HOMER2: variants seen among roughly 807,000 people sequenced by gnomAD.
HOMER2 encodes homer protein homolog 2.
A neutral mutation model predicts 47.0 loss-of-function variants in HOMER2; 27 were observed. The ratio of observed to expected loss-of-function variants is 0.57; its 90% CI spans 0.42 to 0.79. The LOEUF is 0.79. Ranked by LOEUF, HOMER2 falls within the 30% of genes least tolerant of loss-of-function variation. The pLI, the probability that HOMER2 is intolerant of heterozygous loss-of-function variation, is 0.00. For synonymous variants in HOMER2, 161 were observed against 163.8 expected (o/e 0.98, Z 0.13); for missense variants, 443 against 435.0 (o/e 1.02, Z -0.16).
intron 1 of HOMER2, among the ~76,000 whole-genome samples, chr15:82,895,380 G>C (rs2052874387): frequency 6.6e-6 from 1 of 152,208 alleles, no homozygotes; most frequent in Non-Finnish European, 1.5e-5. Context: ...AGAGAGGCCA[G>C]ACGACAGGGA....
At chr15:82,899,591 A>G (rs145694763) in intron 1 of HOMER2, among the ~76,000 whole-genome samples, 12 of 152,374 alleles carry the variant, frequency 7.9e-5, no homozygotes, top group Non-Finnish European at 1.5e-4. Flanking sequence ...TTTGCAGATA[A>G]TAGAATTGCA....
exon 2 of HOMER2, chr15:82,837,759 T>C (rs575674602): frequency 6.6e-6 from 1 of 152,306 alleles, no homozygotes; most frequent in African/African-American, 2.4e-5. Context: ...ACGCCTGCAA[T>C]GGAGCAGCTC....
intron 1 of HOMER2, among the ~76,000 whole-genome samples, chr15:82,950,370 T>G (rs541284306): frequency 4.6e-5 from 7 of 150,598 alleles, no homozygotes; most frequent in East Asian, 1.9e-4. Context: ...AGATAGTTTG[T>G]TTTTTTTTCC....
At chr15:82,932,947 T>C (rs1357212861) in intron 1 of HOMER2, among the ~76,000 whole-genome samples, 5 of 151,590 alleles carry the variant, frequency 3.3e-5, no homozygotes, top group Non-Finnish European at 7.4e-5. Context: ...ACTGGGTGGG[T>C]CCACATAGAG....
chr15:82,958,797 C>A (rs1009375578), exon 2 of HOMER2: 4 of 152,356 alleles, frequency 2.6e-5, no homozygotes, highest in Non-Finnish European at 5.9e-5. Flanking sequence ...ATCAAACAAT[C>A]CAACAACCTT....
chr15:82,981,278 GATCACGA>G (rs1176410694), intron 1 of HOMER2, among the ~76,000 whole-genome samples: 15 of 152,212 alleles, frequency 9.9e-5, no homozygotes, highest in African/African-American at 3.4e-4. Flanking sequence ...TATTGTCCAA[GATCACGA>G]ATGGCCTCTG....
chr15:82,966,893 A>C (rs1037943002), intron 1 of HOMER2, among the ~76,000 whole-genome samples: 6 of 152,204 alleles, frequency 3.9e-5, no homozygotes, highest in African/African-American at 1.2e-4. Flanking sequence ...CTGAGAATGA[A>C]CTTACTAGGT....
At chr15:82,898,039 G>A (rs1227722836) in intron 1 of HOMER2, among the ~76,000 whole-genome samples, 1 of 152,184 alleles carries the variant, frequency 6.6e-6, no homozygotes, top group African/African-American at 2.4e-5. Flanking sequence ...AACCATAAAT[G>A]TTCTCATTTA....
In HOMER2 at chr15:82,932,076, TG is replaced by T. The variant is rs1433256645; in HGVS notation, c.5+20454del. The stretch of plus-strand genomic sequence containing the variant: ...ATAAAGCTGTGCTCAAACCCAGGCC[TG>T]GGGGGCCTAATTCAGCACTCTTCTC... On this transcript the variant is annotated intron_variant, in intron 1 of 8. Coordinates refer to ENST00000450735, the MANE Select transcript of HOMER2 (RefSeq NM_004839.4). 2.0e-5 allele frequency among the ~76,000 whole-genome samples: 3 copies of T among 151,938 alleles called. No homozygotes were observed. The East Asian group carries it at 5.8e-4, about 29-fold the overall frequency.
chr15:82,924,180 C>T (rs1266678749), intron 1 of HOMER2, among the ~76,000 whole-genome samples: 2 of 152,150 alleles, frequency 1.3e-5, no homozygotes, highest in South Asian at 2.1e-4. Context: ...CACATTCTCC[C>T]GTCACTCTGG....
Position 82,936,015 on chromosome 15 carries a change from C to A in HOMER2, c.5+16516G>T, listed in dbSNP as rs184799856. 1.9e-3 allele frequency among the ~76,000 whole-genome samples: 283 copies of A among 152,336 alleles called. 1 individual carries two copies. The highest frequency in any genetic ancestry group is 6.7e-3 in the African/African-American group (279 of 41,586). On this transcript the variant is annotated intron_variant, in intron 1 of 8. Coordinates refer to ENST00000450735, the MANE Select transcript of HOMER2 (RefSeq NM_004839.4). ...CATCAAATAAAACCGCCAGTCCATG[C>A]CTCAGCTCAATTTCGTCCTCGCATA...
intron 2 of HOMER2, among the ~76,000 whole-genome samples, chr15:82,889,382 G>A (rs924382925): frequency 6.6e-6 from 1 of 152,346 alleles, no homozygotes; most frequent in Admixed American, 6.5e-5. Flanking sequence ...CAGAGCTCCA[G>A]GCTTGGGTAG....
intron 1 of HOMER2, among the ~76,000 whole-genome samples, chr15:82,974,264 C>T (rs1401258494): frequency 2.6e-5 from 4 of 151,752 alleles, no homozygotes; most frequent in South Asian, 2.1e-4. Context: ...ATTAGCCAGC[C>T]GTGGTGGCAC....
chr15:82,948,325 A>C (rs1283134208), intron 1 of HOMER2, among the ~76,000 whole-genome samples: 1 of 148,222 alleles, frequency 6.7e-6, no homozygotes, highest in Non-Finnish European at 1.5e-5. Context: ...CGGGAGGCGG[A>C]GCTTGCAGTG....
At chr15:82,923,591 G>A (rs974386594) in intron 1 of HOMER2, among the ~76,000 whole-genome samples, 1 of 152,032 alleles carries the variant, frequency 6.6e-6, no homozygotes, top group Admixed American at 6.6e-5. Flanking sequence ...GTGGGACCCT[G>A]TGTAATTCCA....
intron 5 of HOMER2, among the ~76,000 whole-genome samples, chr15:82,858,162 G>T (rs1373287884): frequency 6.6e-6 from 1 of 152,108 alleles, no homozygotes; most frequent in Non-Finnish European, 1.5e-5. Flanking sequence ...AGTTCATACT[G>T]TAAAGGATCT....
In HOMER2 at chr15:82,849,651, T is replaced by A; in HGVS notation, c.*64A>T. On this transcript the variant is annotated 3_prime_UTR_variant, in exon 9 of 9. Transcript: ENST00000450735. ...AAGCAATGCACACAGAAGAACGTCC[T>A]AGAGCTATCTGGTCTCGCACACACG... 2.1e-6 allele frequency: 3 copies of A among 1,442,002 alleles called. No homozygotes were observed. The highest frequency in any genetic ancestry group is 1.9e-6 in the Non-Finnish European group (2 of 1,054,022). The allele number at this position is 1,442,002 out of a possible 1,614,324, so 89.3% of individuals were successfully genotyped here.
chr15:82,860,092 AC>A (rs1189927161), intron 4 of HOMER2, among the ~76,000 whole-genome samples: 1 of 152,010 alleles, frequency 6.6e-6, no homozygotes, highest in African/African-American at 2.4e-5. Flanking sequence ...TACTAAAAAT[AC>A]AAAAGTTAGT....
intron 2 of HOMER2, among the ~76,000 whole-genome samples, chr15:82,876,205 G>A (rs2052345223): frequency 6.6e-6 from 1 of 152,220 alleles, no homozygotes; most frequent in Non-Finnish European, 1.5e-5. Flanking sequence ...CTAGAAGCCA[G>A]AGGGCTTGGG....
Sources: allele counts gnomAD v4.1 joint callset (sites outside exome capture counted in the v4.1 genomes callset), GRCh38; gene constraint gnomAD v4.1.1; transcripts MANE v1.5; gene names NCBI Gene and HGNC (gene_info 2026-07-23, HGNC 2026-07-21).